Variants in MYO3B observed in about 807,000 individuals in gnomAD.
MYO3B encodes the protein myosin IIIB.
A neutral mutation model predicts 174.6 loss-of-function variants in MYO3B; 156 were observed. The observed-to-expected ratio is 0.89, with a 90% CI of 0.78 to 1.02. MYO3B has a LOEUF of 1.02. Ranked by LOEUF, MYO3B falls within the 50% of genes least tolerant of loss-of-function variation. The probability of loss-of-function intolerance (pLI) is 0.00; values close to 1 mark genes in which losing one functional copy is unlikely to be tolerated. For synonymous variants in MYO3B, 563 were observed against 569.1 expected (o/e 0.99, Z 0.15); for missense variants, 1,632 against 1,639.4 (o/e 1.00, Z 0.08).
At chr2:170,631,607 T>A (rs962111122) in intron 32 of MYO3B, among the ~76,000 whole-genome samples, 1 of 151,800 alleles carries the variant, frequency 6.6e-6, no homozygotes, top group Non-Finnish European at 1.5e-5. Context: ...AATTGTCAGA[T>A]ACACCAAAGT....
intron 7 of MYO3B, among the ~76,000 whole-genome samples, chr2:170,237,135 A>G (rs866821652): frequency 2.0e-5 from 3 of 152,194 alleles, no homozygotes; most frequent in African/African-American, 7.2e-5. Context: ...TCGAATCACA[A>G]AAACAGGTCA....
At chr2:170,551,772 CAT>C (rs1201531217) in intron 32 of MYO3B, among the ~76,000 whole-genome samples, 1 of 152,134 alleles carries the variant, frequency 6.6e-6, no homozygotes, top group African/African-American at 2.4e-5. Flanking sequence ...ACCCAAATCT[CAT>C]GTTGAATTGT....
chr2:170,243,179 A>G (rs551919711), intron 7 of MYO3B, among the ~76,000 whole-genome samples: 11 of 152,354 alleles, frequency 7.2e-5, no homozygotes, highest in East Asian at 5.8e-4. Context: ...TAAACAACAA[A>G]CATTTATGAT....
intron 1 of MYO3B, among the ~76,000 whole-genome samples, chr2:170,194,876 A>T (rs2092581470): frequency 6.6e-6 from 1 of 152,116 alleles, no homozygotes; most frequent in African/African-American, 2.4e-5. Context: ...CTGGCAAACC[A>T]CTGGTCTAAG....
chr2:170,594,746 T>A (rs777488314), intron 32 of MYO3B, among the ~76,000 whole-genome samples: 1 of 151,978 alleles, frequency 6.6e-6, no homozygotes, highest in Non-Finnish European at 1.5e-5. Flanking sequence ...AGTCACCACC[T>A]CCTCCTTGCA....
At chr2:170,305,321 T>C (rs376234423) in intron 7 of MYO3B, among the ~76,000 whole-genome samples, 1 of 152,188 alleles carries the variant, frequency 6.6e-6, no homozygotes, top group South Asian at 2.1e-4. Context: ...GTGATTAAAA[T>C]AGTACTATAC....
chr2:170,600,713 G>T (rs941212563), intron 32 of MYO3B, among the ~76,000 whole-genome samples: 1 of 152,158 alleles, frequency 6.6e-6, no homozygotes, highest in African/African-American at 2.4e-5. Flanking sequence ...CTAAGCTCAT[G>T]CTTTTGGTGA....
intron 30 of MYO3B, among the ~76,000 whole-genome samples, chr2:170,530,707 C>T (rs1285893365): frequency 6.6e-6 from 1 of 152,286 alleles, no homozygotes; most frequent in Admixed American, 6.5e-5. Context: ...TTCTCAGATC[C>T]AACTGTGCTT....
At chr2:170,649,283 TATATATTATATATAAA>T (rs1306451960) in intron 32 of MYO3B, among the ~76,000 whole-genome samples, 1 of 45,908 alleles carries the variant, frequency 2.2e-5, no homozygotes, top group African/African-American at 1.2e-4. Context: ...TATAAAATAA[TATATATTATATATAAA>T]ATAATATATA....
intron 30 of MYO3B, among the ~76,000 whole-genome samples, chr2:170,529,815 A>G (rs951763552): frequency 9.2e-5 from 14 of 152,256 alleles, no homozygotes; most frequent in Admixed American, 9.2e-4. Context: ...CATTATCAAC[A>G]CATAATGAAA....
At chr2:170,600,652 T>C (rs1694449318) in intron 32 of MYO3B, among the ~76,000 whole-genome samples, 1 of 152,212 alleles carries the variant, frequency 6.6e-6, no homozygotes, top group Admixed American at 6.5e-5. Context: ...ATTTTCATAG[T>C]CTTCACTGAG....
At chr2:170,288,754 T>C (rs1214437452) in intron 7 of MYO3B, among the ~76,000 whole-genome samples, 2 of 152,260 alleles carry the variant, frequency 1.3e-5, no homozygotes, top group East Asian at 1.9e-4. Flanking sequence ...CAGTGTTGTA[T>C]TGAATAAGAG....
At chr2:170,253,720 GAGAAGA>G in intron 7 of MYO3B, among the ~76,000 whole-genome samples, 1 of 152,286 alleles carries the variant, frequency 6.6e-6, no homozygotes, top group South Asian at 2.1e-4. Flanking sequence ...ATTGAGATAA[GAGAAGA>G]ATAAGGGTAG....
At chr2:170,300,047 G>A (rs4667632) in intron 7 of MYO3B, among the ~76,000 whole-genome samples, 88,497 of 152,074 alleles carry the variant, frequency 0.58, 26,823 homozygotes, top group African/African-American at 0.75. Context: ...ATACTTTCAT[G>A]TCTTGCTTTG....
At chr2:170,470,317 C>T (rs1297055838) in intron 25 of MYO3B, among the ~76,000 whole-genome samples, 1 of 152,058 alleles carries the variant, frequency 6.6e-6, no homozygotes, top group Non-Finnish European at 1.5e-5. Flanking sequence ...TATGGATTTG[C>T]CTATTTTTGA....
chr2:170,260,017 A>G (rs2093333403), intron 7 of MYO3B, among the ~76,000 whole-genome samples: 1 of 152,198 alleles, frequency 6.6e-6, no homozygotes, highest in Admixed American at 6.5e-5. Flanking sequence ...CAAAACAACA[A>G]TGAAATATCT....
chr2:170,278,045 G>A (rs1574703618), intron 7 of MYO3B, among the ~76,000 whole-genome samples: 1 of 152,260 alleles, frequency 6.6e-6, no homozygotes, highest in East Asian at 1.9e-4. Flanking sequence ...CTGAGAGACT[G>A]TGGATAGTTT....
At chr2:170,379,559 T>A (rs966735464) in intron 9 of MYO3B, among the ~76,000 whole-genome samples, 10 of 152,224 alleles carry the variant, frequency 6.6e-5, no homozygotes, top group African/African-American at 2.4e-4. Context: ...GGGATTTTGA[T>A]CGGAAATATG....
chr2:170,379,428 T>G (rs2094319683), intron 9 of MYO3B, among the ~76,000 whole-genome samples: 1 of 152,108 alleles, frequency 6.6e-6, no homozygotes, highest in African/African-American at 2.4e-5. Flanking sequence ...CTCTTGACCT[T>G]GTGATCCACC....
Sources: allele counts gnomAD v4.1 joint callset (sites outside exome capture counted in the v4.1 genomes callset), GRCh38; gene constraint gnomAD v4.1.1; transcripts MANE v1.5; gene names NCBI Gene and HGNC (gene_info 2026-07-23, HGNC 2026-07-21).